LETM2: variants seen among roughly 807,000 people sequenced by gnomAD.
LETM2 encodes the protein LETM1 domain-containing protein LETM2, mitochondrial.
Under a neutral mutation model 59.6 loss-of-function variants are expected in LETM2, and 58 were observed. That is an observed-to-expected ratio of 0.97 (90% CI 0.79 to 1.21). The LOEUF (loss-of-function observed/expected upper bound fraction) is 1.21, where lower values mean the gene tolerates loss of function less well. LETM2 is among the 50% of genes most tolerant of loss of function. LETM2 has a pLI of 0.00. For missense variants in LETM2, 572 were observed against 575.7 expected, an observed-to-expected ratio of 0.99 and a Z score of 0.07; for synonymous variants, 199 against 214.1, an observed-to-expected ratio of 0.93 and a Z score of 0.62.
intron 7 of LETM2, 96 bp downstream of exon 7, chr8:38,402,740 TCTTA>T (rs1813346138): frequency 1.3e-5 from 17 of 1,320,618 alleles, no homozygotes; most frequent in Non-Finnish European, 1.7e-5. Flanking sequence ...AAGTGAACCG[TCTTA>T]CTTAATTTGC....
At chr8:38,391,962 G>A (rs1585977474) in intron 2 of LETM2, among the ~76,000 whole-genome samples, 2 of 152,296 alleles carry the variant, frequency 1.3e-5, no homozygotes, top group South Asian at 4.1e-4. Flanking sequence ...AAAGCGCTGG[G>A]ATTACAGGCA....
intron 4 of LETM2, among the ~76,000 whole-genome samples, chr8:38,397,750 G>A (rs1410911463): frequency 6.6e-6 from 1 of 152,162 alleles, no homozygotes; most frequent in Admixed American, 6.6e-5. Flanking sequence ...CTGGCAGGAG[G>A]GGCAGCAGAG....
intron 1 of LETM2, chr8:38,387,235 G>A (rs1224921013): frequency 6.6e-6 from 1 of 152,274 alleles, no homozygotes; most frequent in Non-Finnish European, 1.5e-5. Flanking sequence ...TGTGGCTAAG[G>A]TTTCTATTCA....
intron 2 of LETM2, among the ~76,000 whole-genome samples, chr8:38,389,580 CCA>C (rs1227876562): frequency 6.6e-6 from 1 of 152,028 alleles, no homozygotes; most frequent in African/African-American, 2.4e-5. Context: ...CCCTTTTTGG[CCA>C]TTCAAAGAGC....
rs1298842021 is a variant in LETM2 at position 38,400,387 on chromosome 8, A to C, written c.761A>C (p.Gln254Pro). The C allele has an allele frequency of 6.3e-7, 1 of 1,596,012 alleles. No homozygotes were observed. The highest frequency in any genetic ancestry group is 8.5e-7 in the Non-Finnish European group (1 of 1,172,906). Residue 254 changes from glutamine to proline, a missense_variant, in exon 5 of 11, where the codon CAG becomes CCG. By Grantham distance (76) the Gln-to-Pro change is moderately conservative. Transcript: ENST00000379957. ...NRAKMGDAST[Q>P]LSSYVKQVQT... ...GCCAAGATGGGCGATGCCTCTACACAGCTCTCATCCTACGTGAAGCAGGTG... is the reference window on the plus strand; with the variant it reads ...GCCAAGATGGGCGATGCCTCTACACCGCTCTCATCCTACGTGAAGCAGGTG...
chr8:38,390,564 G>C (rs1404902321), intron 2 of LETM2, among the ~76,000 whole-genome samples: 3 of 140,364 alleles, frequency 2.1e-5, no homozygotes, highest in Non-Finnish European at 4.6e-5. Context: ...GGAGGTTGCA[G>C]TGAGTCAAGA....
chr8:38,401,613 G>A (rs1382835621), intron 6 of LETM2: 1 of 158,462 alleles, frequency 6.3e-6, no homozygotes, highest in Non-Finnish European at 1.4e-5. Context: ...GTCTTAGCTG[G>A]GACTCATCTA....
chr8:38,396,921 A>G (rs1422032389), intron 4 of LETM2: 1 of 314,512 alleles, frequency 3.2e-6, no homozygotes, highest in Non-Finnish European at 6.3e-6. Context: ...GTTTAAAAAA[A>G]AAAAGAATAA....
Position 38,392,671 on chromosome 8 carries a change from T to C in LETM2, c.177T>C (p.Pro59=). ...ATGAGAGCAAGAAGTACTCGGATCC[T>C]AGTCAGCCAGGCAATACAGTACTTC... ...KNYESKKYSD[P]SQPGNTVLHP... The change falls in exon 3 of 11, where the codon CCT becomes CCC. Residue 59 remains proline, a synonymous_variant. Coordinates refer to ENST00000379957, the MANE Select transcript of LETM2 (RefSeq NM_001286819.2). The C allele has an allele frequency of 1.9e-6, 3 of 1,614,162 alleles. No individual in the cohort carries two copies. Among genetic ancestry groups the C allele is most frequent in the Non-Finnish European group, 2.5e-6 (3 of 1,180,004 alleles).
At chr8:38,388,847 C>T (rs1178958624) in intron 2 of LETM2, among the ~76,000 whole-genome samples, 1 of 151,540 alleles carries the variant, frequency 6.6e-6, no homozygotes, top group Non-Finnish European at 1.5e-5. Context: ...CTCACTGCAA[C>T]CTCCAACTCC....
At chr8:38,408,159 A>T in intron 10 of LETM2, 53 bp from the exon 11 acceptor site, 1 of 1,415,158 alleles carries the variant, frequency 7.1e-7, no homozygotes, top group Non-Finnish European at 9.9e-7. Flanking sequence ...TTCACTCCTT[A>T]AGAACTTACA....
rs921940849 is a variant in LETM2 at position 38,402,321 on chromosome 8, C to T, written c.985-204C>T. 2.6e-5 allele frequency among the ~76,000 whole-genome samples: 4 copies of T among 152,036 alleles called. No individual in the cohort carries two copies. The South Asian group carries it at 6.2e-4, about 24-fold the overall frequency. ...GTTGGGAAGGAGTTGTGTAAATAGC[C>T]CTGATATTGCTAATTGCTAATACCT... On this transcript the variant is annotated intron_variant, in intron 6 of 10. Transcript: ENST00000379957.
chr8:38,402,371 A>C (rs1813301404), intron 6 of LETM2, among the ~76,000 whole-genome samples, 154 bp from the exon 7 acceptor site: 2 of 152,192 alleles, frequency 1.3e-5, no homozygotes, highest in African/African-American at 2.4e-5. Flanking sequence ...CATTATTTCA[A>C]CTGCCACCTC....
intron 2 of LETM2, among the ~76,000 whole-genome samples, chr8:38,388,720 CAA>C (rs113618665): frequency 1.5e-5 from 2 of 133,984 alleles, no homozygotes; most frequent in African/African-American, 2.7e-5. Context: ...AAATCCATCT[CAA>C]AAAAAAAAAA....
chr8:38,402,367 T>G (rs1813301086), intron 6 of LETM2, among the ~76,000 whole-genome samples, 158 bp from the exon 7 acceptor site: 1 of 152,212 alleles, frequency 6.6e-6, no homozygotes. Context: ...TTCCCATTAT[T>G]TCAACTGCCA....
At chr8:38,395,189 G>A (rs995304974) in intron 4 of LETM2, among the ~76,000 whole-genome samples, 5 of 152,224 alleles carry the variant, frequency 3.3e-5, no homozygotes, top group Non-Finnish European at 7.3e-5. Context: ...AGACACTTAT[G>A]TACAGGTTTT....
intron 7 of LETM2, 102 bp from the exon 8 acceptor site, chr8:38,404,291 C>G: frequency 1.3e-6 from 1 of 787,038 alleles, no homozygotes; most frequent in Non-Finnish European, 2.2e-6. Context: ...GCGGAAAGGG[C>G]GGGGGCGGTG....
intron 8 of LETM2, among the ~76,000 whole-genome samples, chr8:38,405,828 G>C (rs1813670708): frequency 6.6e-6 from 1 of 152,218 alleles, no homozygotes; most frequent in African/African-American, 2.4e-5. Flanking sequence ...AATTATTCTA[G>C]AGGGCCATAA....
rs1039478626 is a variant in LETM2, at chr8:38,387,973, C to T, written c.-11C>T. ...AGGTCCCTATGTTAACTACTTGAGA[C>T]AAAAATAAATATGGCCTTCTACAGT... is the stretch of plus-strand genomic sequence containing the variant. On this transcript the variant is annotated 5_prime_UTR_variant, in exon 2 of 11. Coordinates refer to ENST00000379957, the MANE Select transcript of LETM2 (RefSeq NM_001286819.2). 16 of 1,520,168 alleles carry T rather than the reference C, an allele frequency of 1.1e-5. No individual in the cohort carries two copies. The African/African-American group carries it at 1.7e-4, about 16-fold the overall frequency. 94.2% of individuals were successfully genotyped at this position (1,520,168 alleles called of 1,614,324 possible). A position where few individuals can be genotyped will look rare whatever the true frequency, so the allele number is the denominator to read the frequency against.
Sources: allele counts gnomAD v4.1 joint callset (sites outside exome capture counted in the v4.1 genomes callset), GRCh38; gene constraint gnomAD v4.1.1; transcripts MANE v1.5; gene names NCBI Gene and HGNC (gene_info 2026-07-23, HGNC 2026-07-21).